The following RSBN1L variants were observed in gnomAD, a reference collection of about 807,000 sequenced individuals.
RSBN1L encodes the protein lysine-specific demethylase RSBN1L.
A neutral mutation model predicts 67.7 loss-of-function variants in RSBN1L; 30 were observed. That is an observed-to-expected ratio of 0.44 (90% confidence interval 0.33 to 0.60). The LOEUF (loss-of-function observed/expected upper bound fraction) is 0.60, where lower values mean the gene tolerates loss of function less well. RSBN1L is among the 20% of genes least tolerant of loss of function. RSBN1L has a pLI of 0.02. For missense variants in RSBN1L, 992 were observed against 1,031.7 expected, an observed-to-expected ratio of 0.96 and a Z score of 0.53; for synonymous variants, 433 against 387.0, an observed-to-expected ratio of 1.12 and a Z score of -1.39.
At chr7:77,703,347 A>G (rs1790842964) in intron 1 of RSBN1L, among the ~76,000 whole-genome samples, 1 of 151,866 alleles carries the variant, frequency 6.6e-6, no homozygotes, top group Non-Finnish European at 1.5e-5. Context: ...CTCTCCCATT[A>G]TGCTAAGGCA....
At position 77,779,208 on chromosome 7, in the gene RSBN1L, T is replaced by G. The variant is rs1791961837; in HGVS notation, c.*40T>G. ...TCTAAAATCCTTTTTTAAAAAAATT[T>G]AATGTAATAAAGATTCATGAATTCT... On this transcript the variant is annotated 3_prime_UTR_variant, in exon 8 of 8. Coordinates refer to ENST00000334955, the MANE Select transcript of RSBN1L (RefSeq NM_198467.3). The G allele has an allele frequency of 7.3e-7, 1 of 1,377,148 alleles. No individual in the cohort carries two copies. Among genetic ancestry groups the G allele is most frequent in the Admixed American group, 2.3e-5 (1 of 42,704 alleles). 85.3% of individuals were successfully genotyped at this position (1,377,148 alleles called of 1,614,324 possible). A position where few individuals can be genotyped will look rare whatever the true frequency, so the allele number is the denominator to read the frequency against.
At position 77,779,853 on chromosome 7, in the gene RSBN1L, G is replaced by T. The variant is rs1164692841; in HGVS notation, c.*685G>T. ...TTTCTTTTTTTCTTTTTTTTGATAC[G>T]GAGTTTCATTCTGTCACCAGGCTGG... On this transcript the variant is annotated 3_prime_UTR_variant, in exon 8 of 8. Transcript: ENST00000334955. The T allele has an allele frequency of 1.4e-5, 2 of 143,558 alleles. No homozygotes were observed. Among genetic ancestry groups the T allele is most frequent in the African/African-American group, 5.2e-5 (2 of 38,498 alleles). The allele number at this position is 143,558 out of a possible 1,614,324, so 8.9% of individuals were successfully genotyped here.
chr7:77,735,049 C>G (rs994746333), intron 1 of RSBN1L, among the ~76,000 whole-genome samples: 31 of 146,624 alleles, frequency 2.1e-4, no homozygotes, highest in African/African-American at 5.1e-5. Context: ...GGAGTGTTAT[C>G]ACTTGAAAAA....
At chr7:77,716,418 T>C (rs1791048583) in intron 1 of RSBN1L, among the ~76,000 whole-genome samples, 1 of 150,940 alleles carries the variant, frequency 6.6e-6, no homozygotes, top group African/African-American at 2.4e-5. Flanking sequence ...CTTGAACTCT[T>C]GGGCTCAGAT....
At chr7:77,759,888 C>G (rs1791676916) in intron 3 of RSBN1L, 1 of 152,124 alleles carries the variant, frequency 6.6e-6, no homozygotes, top group Admixed American at 6.6e-5. Context: ...ACTTTAATAG[C>G]CAGTGTGCGT....
At chr7:77,775,483 C>T (rs891620460) in intron 6 of RSBN1L, among the ~76,000 whole-genome samples, 1 of 151,796 alleles carries the variant, frequency 6.6e-6, no homozygotes, top group Admixed American at 6.6e-5. Flanking sequence ...GAGCCGAGAT[C>T]GTGCTGTGTT....
intron 1 of RSBN1L, among the ~76,000 whole-genome samples, chr7:77,697,708 C>A (rs1273879305): frequency 1.3e-5 from 2 of 152,158 alleles, no homozygotes; most frequent in African/African-American, 4.8e-5. Flanking sequence ...AATTTTCAGC[C>A]ATATTCTTTT....
chr7:77,705,776 A>G (rs1790883846), intron 1 of RSBN1L, among the ~76,000 whole-genome samples: 2 of 152,184 alleles, frequency 1.3e-5, no homozygotes, highest in Admixed American at 1.3e-4. Context: ...TCTCACGATT[A>G]CAGGCATGAG....
At chr7:77,722,968 C>CTTTTTT (rs71531006) in intron 1 of RSBN1L, among the ~76,000 whole-genome samples, 1 of 132,340 alleles carries the variant, frequency 7.6e-6, no homozygotes. Flanking sequence ...TTTCTCTCTT[C>CTTTTTT]TTTTTTTTTT....
intron 6 of RSBN1L, among the ~76,000 whole-genome samples, chr7:77,776,785 T>C (rs1007867144): frequency 3.3e-5 from 5 of 152,164 alleles, no homozygotes; most frequent in Admixed American, 2.6e-4. Context: ...TTTTAACTTA[T>C]CTGTATGTCT....
intron 1 of RSBN1L, among the ~76,000 whole-genome samples, chr7:77,701,408 T>G (rs1287120706): frequency 6.6e-6 from 1 of 152,092 alleles, no homozygotes; most frequent in African/African-American, 2.4e-5. Flanking sequence ...TTTTTATCCT[T>G]TTACTTGACT....
chr7:77,743,308 G>A (rs1791437477), intron 2 of RSBN1L, among the ~76,000 whole-genome samples: 1 of 151,964 alleles, frequency 6.6e-6, no homozygotes, highest in South Asian at 2.1e-4. Flanking sequence ...CTCAGTCTAA[G>A]AATCTCTTGG....
rs139220554 is a variant in RSBN1L at position 77,751,674 on chromosome 7, G to A, written c.1344+1610G>A. On this transcript the variant is annotated intron_variant, in intron 3 of 7. Transcript: ENST00000334955. The stretch of plus-strand genomic sequence containing the variant: ...TTACTATTTATTGAGTACTGACTGT[G>A]CCAAGGACTAGTTGTTCTGAGTATT... 3.3e-5 allele frequency among the ~76,000 whole-genome samples: 5 copies of A among 152,290 alleles called. No individual in the cohort carries two copies. In the East Asian group the frequency reaches 9.7e-4, roughly 29 times the overall value.
chr7:77,706,756 C>T (rs1790898457), intron 1 of RSBN1L, among the ~76,000 whole-genome samples: 1 of 152,050 alleles, frequency 6.6e-6, no homozygotes, highest in African/African-American at 2.4e-5. Context: ...TTATTGAATT[C>T]TTAATTCACC....
intron 1 of RSBN1L, among the ~76,000 whole-genome samples, chr7:77,705,976 C>T (rs1790886202): frequency 6.6e-6 from 1 of 151,960 alleles, no homozygotes; most frequent in African/African-American, 2.4e-5. Context: ...TCTTGGTTCA[C>T]TGTAACCTCC....
chr7:77,720,249 A>G (rs760691338), intron 1 of RSBN1L, among the ~76,000 whole-genome samples: 1 of 152,168 alleles, frequency 6.6e-6, no homozygotes, highest in Non-Finnish European at 1.5e-5. Context: ...GAAATAATGC[A>G]TATGTTGCCT....
intron 3 of RSBN1L, among the ~76,000 whole-genome samples, chr7:77,755,688 A>G (rs1272129526): frequency 2.6e-5 from 4 of 151,740 alleles, no homozygotes; most frequent in African/African-American, 7.3e-5. Flanking sequence ...AAAACAAAAA[A>G]CAAACAACCT....
chr7:77,771,264 G>T (rs533894332), intron 5 of RSBN1L, among the ~76,000 whole-genome samples: 1 of 152,070 alleles, frequency 6.6e-6, no homozygotes, highest in South Asian at 2.1e-4. Flanking sequence ...CCTAAAGACG[G>T]TTTTAGCTGT....
rs1239663914 is a variant in RSBN1L, at chr7:77,782,541, T to A, written c.*3373T>A. 6.6e-6 allele frequency: 1 copy of A among 152,230 alleles called. No homozygotes were observed. The highest frequency in any genetic ancestry group is 2.4e-5 in the African/African-American group (1 of 41,454). 9.4% of individuals were successfully genotyped at this position (152,230 alleles called of 1,614,324 possible). On this transcript the variant is annotated 3_prime_UTR_variant, in exon 8 of 8. Transcript: ENST00000334955. ...CTTGCAAACTTTACTGAAGCCATAT[T>A]CATTATCTTCCTTGTCACCAAGGCT...
Sources: allele counts gnomAD v4.1 joint callset (sites outside exome capture counted in the v4.1 genomes callset), GRCh38; gene constraint gnomAD v4.1.1; transcripts MANE v1.5; gene names NCBI Gene and HGNC (gene_info 2026-07-23, HGNC 2026-07-21).